Variants in TNRC6A observed in about 807,000 individuals in gnomAD.
TNRC6A encodes trinucleotide repeat containing adaptor 6A.
Under a neutral mutation model 221.2 loss-of-function variants are expected in TNRC6A, and 44 were observed. The ratio of observed to expected loss-of-function variants is 0.20; its 90% confidence interval spans 0.16 to 0.26. The LOEUF is 0.26. TNRC6A is among the 10% of genes least tolerant of loss of function. The pLI, the probability that TNRC6A is intolerant of heterozygous loss-of-function variation, is 1.00. For synonymous variants in TNRC6A, 847 were observed against 838.5 expected, an observed-to-expected ratio of 1.01 and a Z score of -0.18; for missense variants, 2,199 against 2,404.4, an observed-to-expected ratio of 0.91 and a Z score of 1.79.
At chr16:24,751,146 C>G (rs932534862) in intron 3 of TNRC6A, among the ~76,000 whole-genome samples, 6 of 152,146 alleles carry the variant, frequency 3.9e-5, no homozygotes, top group African/African-American at 9.7e-5. Flanking sequence ...TATTTGAAAT[C>G]TCACTCTCCC....
At chr16:24,810,169 T>C (rs893366403) in intron 18 of TNRC6A, among the ~76,000 whole-genome samples, 3 of 152,242 alleles carry the variant, frequency 2.0e-5, no homozygotes, top group Non-Finnish European at 4.4e-5. Context: ...ATATAGCTTA[T>C]TGCTATGTGT....
intron 2 of TNRC6A, among the ~76,000 whole-genome samples, chr16:24,749,888 C>T (rs1300354444): frequency 1.3e-5 from 2 of 152,054 alleles, no homozygotes; most frequent in African/African-American, 4.8e-5. Flanking sequence ...ACCTGTAATC[C>T]CAACACTTTG....
At chr16:24,659,139 G>T (rs947569725) in intron 2 of TNRC6A, among the ~76,000 whole-genome samples, 4 of 151,770 alleles carry the variant, frequency 2.6e-5, no homozygotes, top group Admixed American at 2.6e-4. Flanking sequence ...TTTCTAATTC[G>T]CCCATTTATT....
intron 7 of TNRC6A, among the ~76,000 whole-genome samples, chr16:24,794,104 G>A (rs1194152046): frequency 6.6e-6 from 1 of 152,172 alleles, no homozygotes; most frequent in Non-Finnish European, 1.5e-5. Context: ...AAGATGCCCG[G>A]TAGGAATCCC....
intron 1 of TNRC6A, among the ~76,000 whole-genome samples, chr16:24,640,309 A>T (rs1487004567): frequency 6.6e-6 from 1 of 151,810 alleles, no homozygotes; most frequent in Non-Finnish European, 1.5e-5. Flanking sequence ...CTGAGACAGG[A>T]GGATCACTTG....
At chr16:24,729,955 G>C in intron 1 of TNRC6A, 109 bp downstream of exon 1, 1 of 1,041,556 alleles carries the variant, frequency 9.6e-7, no homozygotes, top group East Asian at 4.0e-5. Flanking sequence ...GCGTCCCCGA[G>C]ACTTCGGGCC....
At chr16:24,808,931 T>C (rs1156329331) in intron 17 of TNRC6A, among the ~76,000 whole-genome samples, 2 of 152,188 alleles carry the variant, frequency 1.3e-5, no homozygotes, top group Admixed American at 6.5e-5. Flanking sequence ...AGGGGCCTCA[T>C]CAGCAAAGGT....
At chr16:24,681,792 A>T (rs1596664964) in intron 2 of TNRC6A, among the ~76,000 whole-genome samples, 1 of 152,348 alleles carries the variant, frequency 6.6e-6, no homozygotes, top group South Asian at 2.1e-4. Context: ...CTACTGATAG[A>T]CAACTGGTTT....
At chr16:24,655,977 C>CA (rs2054902417) in intron 2 of TNRC6A, among the ~76,000 whole-genome samples, 1 of 149,106 alleles carries the variant, frequency 6.7e-6, no homozygotes, top group Non-Finnish European at 1.5e-5. Flanking sequence ...CTTGTCTTTA[C>CA]AAAAAATTTT....
At chr16:24,692,746 T>G (rs1567361352) in intron 2 of TNRC6A, among the ~76,000 whole-genome samples, 1 of 151,838 alleles carries the variant, frequency 6.6e-6, no homozygotes, top group East Asian at 1.9e-4. Context: ...GTATATATTA[T>G]ACATATATAT....
In TNRC6A at chr16:24,823,422, T is replaced by C. The variant is rs2058808850; in HGVS notation, c.5514-10T>C. ...TGTCCTCACGTGTCCGCGGTGCCTC[T>C]CTCCTCTAGGTGTGTACTGGGGAAC... On this transcript the variant is annotated splice_polypyrimidine_tract_variant and intron_variant, in intron 24 of 24. Coordinates refer to ENST00000395799, the MANE Select transcript of TNRC6A (RefSeq NM_014494.4). The surrounding 1 kb of genome is among the most constrained non-coding windows in gnomAD (Gnocchi z 4.3). 1 of 1,599,412 alleles carries C rather than the reference T, an allele frequency of 6.3e-7. No individual in the cohort carries two copies. The highest frequency in any genetic ancestry group is 8.5e-7 in the Non-Finnish European group (1 of 1,170,264).
chr16:24,690,810 CT>C (rs11440232), intron 2 of TNRC6A, among the ~76,000 whole-genome samples: 14,345 of 142,498 alleles, frequency 0.1, 909 homozygotes, highest in East Asian at 0.31. Context: ...TCTTTTCTTT[CT>C]TTTTTTTTTT....
At chr16:24,655,904 C>T (rs1261105153) in intron 2 of TNRC6A, among the ~76,000 whole-genome samples, 2 of 151,958 alleles carry the variant, frequency 1.3e-5, no homozygotes. Context: ...GTTTGAGAGG[C>T]CAAGGCAGGA....
intron 17 of TNRC6A, 41 bp downstream of exon 17, chr16:24,806,825 G>A (rs1448150375): frequency 6.3e-7 from 1 of 1,594,134 alleles, no homozygotes. Flanking sequence ...TGATGCTTAG[G>A]TATCACAGGC....
rs185762156 is a variant in TNRC6A at position 24,763,307 on chromosome 16, G to C, written c.163+4947G>C. On this transcript the variant is annotated intron_variant, in intron 4 of 24. Transcript: ENST00000395799. The stretch of plus-strand genomic sequence containing the variant: ...ACCCTTCATTTCATCATTCTTCAAA[G>C]GGTGGAGGACCCTTTCTGAAGGGCT... 3.9e-5 allele frequency among the ~76,000 whole-genome samples: 6 copies of C among 152,306 alleles called. No homozygotes were observed. The East Asian group carries it at 1.2e-3, about 29-fold the overall frequency.
At chr16:24,619,617 T>C (rs17831104) in intron 1 of TNRC6A, among the ~76,000 whole-genome samples, 14,111 of 152,132 alleles carry the variant, frequency 0.093, 842 homozygotes, top group Non-Finnish European at 0.13. Flanking sequence ...AATCCTGGGA[T>C]GTAGGTGGAA....
chr16:24,639,883 C>G (rs1901846102), intron 1 of TNRC6A, among the ~76,000 whole-genome samples: 1 of 152,156 alleles, frequency 6.6e-6, no homozygotes, highest in South Asian at 2.1e-4. Context: ...TCTCAAACTC[C>G]TGAGCTCAAA....
intron 9 of TNRC6A, 116 bp downstream of exon 9, chr16:24,796,055 G>T: frequency 8.9e-7 from 1 of 1,128,730 alleles, no homozygotes. Context: ...TGGTGCTGGG[G>T]ATTCAAATAC....
chr16:24,797,779 C>T (rs1261388390), intron 10 of TNRC6A, 136 bp from the exon 11 acceptor site: 12 of 873,100 alleles, frequency 1.4e-5, no homozygotes, highest in African/African-American at 5.1e-5. Context: ...TTAAAAATTA[C>T]ATTAGGCAGT....
Sources: gnomAD v4.1 joint callset for allele counts (sites outside exome capture counted in the v4.1 genomes callset) on GRCh38, gnomAD v4.1.1 for gene constraint, Gnocchi (gnomAD v3.1) non-coding constraint, MANE v1.5 for transcripts, NCBI Gene and HGNC (gene_info 2026-07-23, HGNC 2026-07-21) for gene names.